The following RBFOX1 variants were observed in gnomAD, a reference collection of about 807,000 sequenced individuals.
RBFOX1 encodes RNA binding fox-1 homolog 1.
In RBFOX1, 8 loss-of-function variants were observed where a neutral mutation model predicts 57.7. The observed-to-expected ratio is 0.14, with a 90% CI of 0.08 to 0.25. The LOEUF (loss-of-function observed/expected upper bound fraction) is 0.25, where lower values mean the gene tolerates loss of function less well. Ranked by LOEUF, RBFOX1 falls within the 10% of genes least tolerant of loss-of-function variation. The probability of loss-of-function intolerance (pLI) is 1.00; values close to 1 mark genes in which losing one functional copy is unlikely to be tolerated. For missense variants in RBFOX1, 611 were observed against 548.5 expected, an observed-to-expected ratio of 1.11 and a Z score of -1.14; for synonymous variants, 326 against 222.4, an observed-to-expected ratio of 1.47 and a Z score of -4.15.
In RBFOX1 at chr16:7,440,064, A is replaced by G. The variant is rs1285708710; in HGVS notation, c.28-78083A>G. On this transcript the variant is annotated intron_variant, in intron 4 of 15. Transcript: ENST00000550418. ...TCTCCCGGGTTCAGGTGATCCTCCC[A>G]CCTCAGCCCCTCAAGTTGCTGGGGT... Among the ~76,000 whole-genome samples the G allele has an allele frequency of 5.5e-5, 8 of 144,744 alleles. No individual in the cohort carries two copies. In the Admixed American group the frequency reaches 5.9e-4, roughly 11 times the overall value. 95.0% of individuals were successfully genotyped at this position (144,744 alleles called of 152,430 possible). A position where few individuals can be genotyped will look rare whatever the true frequency, so the allele number is the denominator to read the frequency against.
At chr16:6,036,395 T>TG (rs1238078902) in intron 1 of RBFOX1, among the ~76,000 whole-genome samples, 2 of 146,130 alleles carry the variant, frequency 1.4e-5, no homozygotes, top group East Asian at 4.6e-4. Context: ...TAATGTTTTG[T>TG]GTTTTTTTTT....
intron 2 of RBFOX1, among the ~76,000 whole-genome samples, chr16:6,351,774 A>G (rs981502545): frequency 6.6e-6 from 1 of 152,198 alleles, no homozygotes; most frequent in Admixed American, 6.5e-5. Context: ...TATTAAATAC[A>G]TGTTATTTCA....
intron 4 of RBFOX1, among the ~76,000 whole-genome samples, chr16:5,944,987 A>AAAG (rs1555453186): frequency 0.14 from 12,810 of 94,836 alleles, 1,951 homozygotes; most frequent in Non-Finnish European, 0.2. Flanking sequence ...AAAAAAAAAA[A>AAAG]AGAGAGAGAG....
chr16:6,455,317 G>A (rs2534762), intron 2 of RBFOX1, among the ~76,000 whole-genome samples: 121,257 of 151,950 alleles, frequency 0.8, 48,495 homozygotes, highest in Middle Eastern at 0.87. Flanking sequence ...GCCAAAGCTG[G>A]TGAGACAGAA....
At chr16:5,367,876 G>A (rs9888953) in intron 1 of RBFOX1, among the ~76,000 whole-genome samples, 35 of 152,262 alleles carry the variant, frequency 2.3e-4, no homozygotes, top group African/African-American at 7.9e-4. Context: ...AGGAGGTTCC[G>A]TATTTGCTCT....
chr16:7,607,538 G>C (rs547760848), intron 10 of RBFOX1, among the ~76,000 whole-genome samples, 200 bp downstream of exon 10: 24 of 152,212 alleles, frequency 1.6e-4, no homozygotes, highest in African/African-American at 5.3e-4. Flanking sequence ...TTTCATGGTT[G>C]GGGGATCAGC....
chr16:5,379,659 C>G (rs529946806), intron 1 of RBFOX1, among the ~76,000 whole-genome samples: 5 of 152,112 alleles, frequency 3.3e-5, no homozygotes, highest in Non-Finnish European at 7.4e-5. Context: ...TCTGAGAAAC[C>G]AACTGGACCA....
intron 4 of RBFOX1, among the ~76,000 whole-genome samples, chr16:7,386,286 A>G (rs1402655052): frequency 6.6e-6 from 1 of 152,078 alleles, no homozygotes; most frequent in Non-Finnish European, 1.5e-5. Flanking sequence ...CAGAATGTGC[A>G]GGTTTGTTAC....
chr16:5,928,647 G>C (rs2058984629), intron 4 of RBFOX1, among the ~76,000 whole-genome samples: 1 of 150,480 alleles, frequency 6.6e-6, no homozygotes, highest in African/African-American at 2.5e-5. Flanking sequence ...CTTTACACCA[G>C]AGCCGATGCT....
intron 3 of RBFOX1, among the ~76,000 whole-genome samples, chr16:7,018,829 C>T (rs544402580): frequency 6.6e-6 from 1 of 151,744 alleles, no homozygotes; most frequent in East Asian, 1.9e-4. Flanking sequence ...AGATTAAAAC[C>T]CACTCTAGGC....
intron 4 of RBFOX1, among the ~76,000 whole-genome samples, chr16:7,505,404 A>G (rs1370903580): frequency 6.6e-6 from 1 of 152,196 alleles, no homozygotes; most frequent in Non-Finnish European, 1.5e-5. Flanking sequence ...GAGAAACTCC[A>G]TCTTCCTAAG....
chr16:5,911,756 T>C (rs2058607359), intron 4 of RBFOX1, among the ~76,000 whole-genome samples: 1 of 152,164 alleles, frequency 6.6e-6, no homozygotes, highest in African/African-American at 2.4e-5. Context: ...GGTTCACAGG[T>C]GGTGCCTTTG....
intron 3 of RBFOX1, among the ~76,000 whole-genome samples, chr16:6,663,995 A>T (rs2098716970): frequency 6.6e-6 from 1 of 152,226 alleles, no homozygotes; most frequent in Non-Finnish European, 1.5e-5. Context: ...GAAGAGTATT[A>T]TGTCCTTTAA....
chr16:6,747,950 C>G (rs771455292), intron 3 of RBFOX1, among the ~76,000 whole-genome samples: 1 of 152,166 alleles, frequency 6.6e-6, no homozygotes, highest in Non-Finnish European at 1.5e-5. Flanking sequence ...GAGGATTGGC[C>G]TTTGTTTTCT....
intron 1 of RBFOX1, among the ~76,000 whole-genome samples, chr16:6,104,849 A>G (rs532079193): frequency 1.4e-4 from 21 of 152,360 alleles, no homozygotes; most frequent in African/African-American, 4.8e-4. Context: ...AAGACTACTT[A>G]TTATGAGATT....
chr16:7,611,000 T>C (rs2057366927), intron 10 of RBFOX1, among the ~76,000 whole-genome samples: 1 of 152,234 alleles, frequency 6.6e-6, no homozygotes, highest in Non-Finnish European at 1.5e-5. Context: ...TTTGTATTTT[T>C]AGTAGGCTGG....
At chr16:5,335,157 T>G (rs1309700352) in intron 1 of RBFOX1, among the ~76,000 whole-genome samples, 1 of 152,056 alleles carries the variant, frequency 6.6e-6, no homozygotes, top group Non-Finnish European at 1.5e-5. Context: ...TTGGCTGTTT[T>G]TCTTCCGAAT....
At chr16:7,364,188 T>A (rs1049599186) in intron 4 of RBFOX1, among the ~76,000 whole-genome samples, 39 of 152,184 alleles carry the variant, frequency 2.6e-4, no homozygotes, top group African/African-American at 8.4e-4. Flanking sequence ...TGACGAGCTC[T>A]TGTCTGTTAC....
intron 5 of RBFOX1, among the ~76,000 whole-genome samples, chr16:7,548,469 T>G (rs1052635318): frequency 6.6e-6 from 1 of 152,204 alleles, no homozygotes; most frequent in Admixed American, 6.5e-5. Context: ...TATTAGTTGT[T>G]CTTTAAACAT....
Sources: gnomAD v4.1 joint callset for allele counts (sites outside exome capture counted in the v4.1 genomes callset) on GRCh38, gnomAD v4.1.1 for gene constraint, MANE v1.5 for transcripts, NCBI Gene and HGNC (gene_info 2026-07-23, HGNC 2026-07-21) for gene names.